BCAS3: variants seen among roughly 807,000 people sequenced by gnomAD.
BCAS3 encodes the protein BCAS3 microtubule associated cell migration factor.
In BCAS3, 53 loss-of-function variants were observed where a neutral mutation model predicts 116.1. That is an observed-to-expected ratio of 0.46 (90% CI 0.37 to 0.57). BCAS3 has a LOEUF of 0.57. Among genes scored for constraint, BCAS3 ranks in the 20% least tolerant of loss-of-function variants. The pLI, the probability that BCAS3 is intolerant of heterozygous loss-of-function variation, is 0.00. For missense variants in BCAS3, 917 were observed against 1,165.4 expected, an observed-to-expected ratio of 0.79 and a Z score of 3.10; for synonymous variants, 391 against 408.2, an observed-to-expected ratio of 0.96 and a Z score of 0.51.
At chr17:60,839,808 G>A (rs1449340137) in intron 7 of BCAS3, among the ~76,000 whole-genome samples, 2 of 152,004 alleles carry the variant, frequency 1.3e-5, no homozygotes. Flanking sequence ...TGCAATTTGT[G>A]GTAGATTTTA....
intron 10 of BCAS3, among the ~76,000 whole-genome samples, chr17:60,897,309 T>C (rs2057577758): frequency 6.6e-6 from 1 of 152,220 alleles, no homozygotes; most frequent in Non-Finnish European, 1.5e-5. Flanking sequence ...TATATGTGAC[T>C]AGACACGATT....
At chr17:60,798,294 A>G (rs1357660374) in intron 6 of BCAS3, among the ~76,000 whole-genome samples, 1 of 152,222 alleles carries the variant, frequency 6.6e-6, no homozygotes, top group Admixed American at 6.5e-5. Context: ...TTTTAGCATC[A>G]TACAGAAAAG....
At chr17:61,102,815 C>T (rs908617971) in intron 22 of BCAS3, among the ~76,000 whole-genome samples, 3 of 152,078 alleles carry the variant, frequency 2.0e-5, no homozygotes, top group Admixed American at 6.5e-5. Context: ...AGTTCAGGTA[C>T]ATAACAAGGA....
intron 14 of BCAS3, among the ~76,000 whole-genome samples, chr17:60,959,193 C>G (rs7221710): frequency 0.099 from 15,052 of 151,896 alleles, 2,396 homozygotes; most frequent in African/African-American, 0.34. Flanking sequence ...TGTAGTCCCA[C>G]CTCCTTGGGA....
At chr17:60,901,579 C>T (rs1407121983) in intron 10 of BCAS3, among the ~76,000 whole-genome samples, 1 of 152,100 alleles carries the variant, frequency 6.6e-6, no homozygotes, top group African/African-American at 2.4e-5. Flanking sequence ...TTAAAAAAAT[C>T]TTGACTTTGC....
chr17:61,042,395 CTTAA>C (rs1296430577), intron 19 of BCAS3, among the ~76,000 whole-genome samples: 7 of 151,988 alleles, frequency 4.6e-5, no homozygotes, highest in Admixed American at 2.6e-4. Context: ...ATATCTATCT[CTTAA>C]TTGTTTTTTG....
At chr17:60,788,297 G>T (rs1271022129) in intron 6 of BCAS3, among the ~76,000 whole-genome samples, 2 of 152,056 alleles carry the variant, frequency 1.3e-5, no homozygotes, top group East Asian at 1.9e-4. Flanking sequence ...ACAAGAATTT[G>T]GACAAGTTAT....
chr17:61,342,426 A>C (rs1390381459), intron 22 of BCAS3, among the ~76,000 whole-genome samples: 1 of 151,968 alleles, frequency 6.6e-6, no homozygotes, highest in Non-Finnish European at 1.5e-5. Context: ...GATTACAGGC[A>C]TGAGCCACCG....
At chr17:61,338,899 A>G (rs1461930166) in intron 22 of BCAS3, among the ~76,000 whole-genome samples, 2 of 121,044 alleles carry the variant, frequency 1.7e-5, no homozygotes, top group African/African-American at 6.9e-5. Context: ...AAAAAAAAAA[A>G]AAAAAAAAAA....
chr17:60,928,022 G>A (rs2059452947), intron 13 of BCAS3, among the ~76,000 whole-genome samples: 1 of 152,208 alleles, frequency 6.6e-6, no homozygotes, highest in Non-Finnish European at 1.5e-5. Context: ...CAAAAAGGTT[G>A]AAGCTTGCTG....
rs1350118378 is a variant in BCAS3, at chr17:61,162,791, A to G, written c.2425+78227A>G. ...GCTGCAACCCGAGGAACCACTCCTG[A>G]TGGAATATGAGAAAGAAAAGTGTAT... On this transcript the variant is annotated intron_variant, in intron 22 of 23. Transcript: ENST00000407086. The surrounding 1 kb of genome is among the most constrained non-coding windows in gnomAD (Gnocchi z 5.6). Among the ~76,000 whole-genome samples, 1 of 152,212 alleles carries G rather than the reference A, an allele frequency of 6.6e-6. No individual in the cohort carries two copies. Among genetic ancestry groups the G allele is most frequent in the African/African-American group, 2.4e-5 (1 of 41,450 alleles).
chr17:60,882,416 C>T (rs567456074), intron 9 of BCAS3, among the ~76,000 whole-genome samples: 13,078 of 149,074 alleles, frequency 0.088, 1,970 homozygotes, highest in African/African-American at 0.31. Flanking sequence ...ACGGTAGTTT[C>T]TTTTGCTGTG....
At chr17:60,684,176 A>G in intron 3 of BCAS3, 140 bp downstream of exon 3, 2 of 711,760 alleles carry the variant, frequency 2.8e-6, no homozygotes, top group Non-Finnish European at 2.4e-6. Context: ...GTAGGGTGGG[A>G]CTACATTATT....
chr17:60,991,148 A>G (rs997460757), intron 15 of BCAS3, among the ~76,000 whole-genome samples: 6 of 151,996 alleles, frequency 3.9e-5, no homozygotes, highest in Admixed American at 1.3e-4. Context: ...GAATATTTCT[A>G]CTCCTAAGCA....
chr17:60,950,834 G>A (rs1050497994), intron 14 of BCAS3, among the ~76,000 whole-genome samples: 12 of 152,064 alleles, frequency 7.9e-5, no homozygotes, highest in Non-Finnish European at 1.3e-4. Flanking sequence ...TCTCTTAATA[G>A]GAAGCAAAAA....
chr17:61,212,917 A>G (rs2081551584), intron 22 of BCAS3, among the ~76,000 whole-genome samples: 1 of 152,162 alleles, frequency 6.6e-6, no homozygotes, highest in Non-Finnish European at 1.5e-5. Context: ...ATGAGTCCCA[A>G]GTCCTTCCTT....
intron 7 of BCAS3, among the ~76,000 whole-genome samples, chr17:60,821,328 TCATACATA>T (rs113139051): frequency 1.3e-5 from 2 of 151,566 alleles, no homozygotes; most frequent in Non-Finnish European, 2.9e-5. Flanking sequence ...GTGTGTGAGG[TCATACATA>T]CATACATACA....
intron 11 of BCAS3, among the ~76,000 whole-genome samples, chr17:60,908,458 A>T (rs1854581372): frequency 6.6e-6 from 1 of 152,172 alleles, no homozygotes; most frequent in African/African-American, 2.4e-5. Flanking sequence ...AGCTGTGTTT[A>T]AGTGGGAGCA....
Position 61,034,618 on chromosome 17 carries a change from A to G in BCAS3, c.1638-48A>G, listed in dbSNP as rs1331641577. 1 of 1,521,826 alleles carries G rather than the reference A, an allele frequency of 6.6e-7. No individual in the cohort carries two copies. Among genetic ancestry groups the G allele is most frequent in the Non-Finnish European group, 9.0e-7 (1 of 1,109,698 alleles). 94.3% of individuals were successfully genotyped at this position (1,521,826 alleles called of 1,614,324 possible). A position where few individuals can be genotyped will look rare whatever the true frequency, so the allele number is the denominator to read the frequency against. ...AAAAACTGTCATTACCTAAAGGAGT[A>G]TCATTTCATCATGATAATTGTTTTT... is the stretch of plus-strand genomic sequence containing the variant. On this transcript the variant is annotated intron_variant, in intron 16 of 23. Transcript: ENST00000407086. The surrounding 1 kb of genome is among the most constrained non-coding windows in gnomAD (Gnocchi z 5.0).
Sources: allele counts gnomAD v4.1 joint callset (sites outside exome capture counted in the v4.1 genomes callset), GRCh38; gene constraint gnomAD v4.1.1; non-coding constraint Gnocchi (gnomAD v3.1); transcripts MANE v1.5; gene names NCBI Gene and HGNC (gene_info 2026-07-23, HGNC 2026-07-21).